The following BLTP1 variants were observed in gnomAD, a reference collection of about 807,000 sequenced individuals.
BLTP1 encodes fragile site-associated protein.
chr4:122,290,989 C>G, the BLTP1 span: 4 of 835,188 alleles, frequency 4.8e-6, no homozygotes, highest in Non-Finnish European at 5.8e-6. Flanking sequence ...TTCCTAGTAT[C>G]AGACTGTCAG....
the BLTP1 span, chr4:122,254,897 CTG>C: frequency 1.9e-6 from 3 of 1,613,750 alleles, no homozygotes; most frequent in Non-Finnish European, 2.5e-6. Flanking sequence ...AAATTGGAAA[CTG>C]AGGGAACCTT....
chr4:122,288,349 ATAGAG>A, the BLTP1 span, among the ~76,000 whole-genome samples: 3 of 152,182 alleles, frequency 2.0e-5, no homozygotes, highest in Non-Finnish European at 2.9e-5. Flanking sequence ...AACATGGTAC[ATAGAG>A]TAGACAGTCA....
chr4:122,191,566 T>G, the BLTP1 span, among the ~76,000 whole-genome samples: 2 of 152,146 alleles, frequency 1.3e-5, no homozygotes, highest in Non-Finnish European at 2.9e-5. Context: ...ATAAATGTAT[T>G]CAAAGTGCAA....
chr4:122,195,707 T>G, the BLTP1 span: 223,840 of 772,844 alleles, frequency 0.29, 34,674 homozygotes, highest in East Asian at 0.42. Flanking sequence ...TCTCTATCCT[T>G]AATATTCTTA....
At chr4:122,185,440 T>G in the BLTP1 span, 82 of 985,086 alleles carry the variant, frequency 8.3e-5, 1 homozygote, top group East Asian at 5.4e-3. Context: ...GATTATTTCC[T>G]TAGTAGAAAC....
At chr4:122,285,296 G>C in the BLTP1 span, among the ~76,000 whole-genome samples, 6 of 152,154 alleles carry the variant, frequency 3.9e-5, no homozygotes, top group Non-Finnish European at 8.8e-5. Flanking sequence ...AATAAGGGAT[G>C]ACTCAGTAAC....
the BLTP1 span, chr4:122,173,000 A>G: frequency 6.2e-7 from 1 of 1,611,222 alleles, no homozygotes; most frequent in Admixed American, 1.7e-5. Flanking sequence ...GTGTAGAAGT[A>G]AATCCTATTA....
the BLTP1 span, among the ~76,000 whole-genome samples, chr4:122,268,542 A>G: frequency 6.6e-6 from 1 of 152,034 alleles, no homozygotes; most frequent in African/African-American, 2.4e-5. Flanking sequence ...TTTTGCCTCC[A>G]CTGAGTTTTT....
chr4:122,256,107 C>T, the BLTP1 span: 8 of 982,906 alleles, frequency 8.1e-6, no homozygotes, highest in Non-Finnish European at 9.7e-6. Flanking sequence ...TTTAGGATCT[C>T]TCTTCTCCAA....
At chr4:122,353,200 T>G in the BLTP1 span, 153 of 1,595,868 alleles carry the variant, frequency 9.6e-5, no homozygotes, top group Non-Finnish European at 1.3e-4. This position sits in a 1 kb window ranked among gnomAD's most constrained non-coding sequence, Gnocchi z 4.3. Context: ...TATCTTCTGT[T>G]ATGACTATAA....
the BLTP1 span, chr4:122,271,211 A>C: frequency 1.2e-6 from 2 of 1,613,960 alleles, no homozygotes; most frequent in Non-Finnish European, 1.7e-6. Flanking sequence ...CTGTCAGTCA[A>C]TAAGCCAGCA....
the BLTP1 span, chr4:122,247,441 T>C: frequency 6.8e-7 from 1 of 1,462,352 alleles, no homozygotes; most frequent in South Asian, 1.2e-5. Flanking sequence ...TTTTTTCCTT[T>C]GACTATTGCT....
At chr4:122,257,162 A>G in the BLTP1 span, 1 of 1,242,712 alleles carries the variant, frequency 8.0e-7, no homozygotes, top group Non-Finnish European at 1.1e-6. Context: ...CTAAATGAGT[A>G]TTATGAGATT....
chr4:122,272,113 T>G, the BLTP1 span: 1 of 1,575,164 alleles, frequency 6.3e-7, no homozygotes, highest in South Asian at 1.2e-5. Context: ...TCCTTCCATT[T>G]TTCAGTCTTC....
the BLTP1 span, among the ~76,000 whole-genome samples, chr4:122,220,659 T>C: frequency 1.3e-5 from 2 of 152,214 alleles, no homozygotes; most frequent in African/African-American, 4.8e-5. Context: ...ATCTCAATTT[T>C]CTTTTGCTGC....
chr4:122,186,364 T>C, the BLTP1 span: 24 of 429,422 alleles, frequency 5.6e-5, no homozygotes, highest in Admixed American at 3.6e-4. Flanking sequence ...TAAATAATTA[T>C]ATAATTATTT....
the BLTP1 span, among the ~76,000 whole-genome samples, chr4:122,319,754 T>C: frequency 6.6e-6 from 1 of 152,176 alleles, no homozygotes; most frequent in Middle Eastern, 3.4e-3. Flanking sequence ...TTGGCCAGGC[T>C]GGTCTTGAAT....
chr4:122,323,572 G>A, the BLTP1 span, among the ~76,000 whole-genome samples: 2 of 151,744 alleles, frequency 1.3e-5, no homozygotes, highest in Admixed American at 1.3e-4. Context: ...CTATTGGCTT[G>A]ACCTGCCCTT....
the BLTP1 span, chr4:122,204,391 G>A: frequency 1.2e-6 from 1 of 866,486 alleles, no homozygotes. Context: ...TACAAAGCAT[G>A]TTCACTTGTA....
Sources: gnomAD v4.1 joint callset for allele counts (sites outside exome capture counted in the v4.1 genomes callset) on GRCh38, gnomAD v4.1.1 for gene constraint, Gnocchi (gnomAD v3.1) non-coding constraint, MANE v1.5 for transcripts, NCBI Gene and HGNC (gene_info 2026-07-23, HGNC 2026-07-21) for gene names.